The following GALNT13 variants were observed in gnomAD, a reference collection of about 807,000 sequenced individuals.
The protein encoded by GALNT13 is polypeptide N-acetylgalactosaminyltransferase 13, also known as UDP-GalNAc:polypeptide N-acetylgalactosaminyltransferase 13.
In GALNT13, 28 loss-of-function variants were observed where a neutral mutation model predicts 64.2. The ratio of observed to expected loss-of-function variants is 0.44; its 90% confidence interval spans 0.32 to 0.60. GALNT13 has a LOEUF of 0.60. Ranked by LOEUF, GALNT13 falls within the 20% of genes least tolerant of loss-of-function variation. GALNT13 has a pLI of 0.05. For missense variants in GALNT13, 577 were observed against 669.8 expected, an observed-to-expected ratio of 0.86 and a Z score of 1.53; for synonymous variants, 214 against 224.6, an observed-to-expected ratio of 0.95 and a Z score of 0.42.
chr2:153,140,700 G>A, the GALNT13 span, among the ~76,000 whole-genome samples: 6 of 151,966 alleles, frequency 3.9e-5, no homozygotes, highest in Admixed American at 3.9e-4. Flanking sequence ...AAGGAACTTT[G>A]CCCTCAAGTA....
At chr2:153,591,705 G>T in the GALNT13 span, among the ~76,000 whole-genome samples, 18 of 151,958 alleles carry the variant, frequency 1.2e-4, no homozygotes, top group African/African-American at 3.6e-4. Context: ...AGACTTAAAT[G>T]TAAGACCCCA....
the GALNT13 span, among the ~76,000 whole-genome samples, chr2:153,748,532 G>A: frequency 2.6e-5 from 4 of 152,064 alleles, no homozygotes; most frequent in Non-Finnish European, 5.9e-5. Flanking sequence ...AATCAATGAT[G>A]AGTACCTTTT....
chr2:153,994,735 ATATCCTTCGCCCACTTGTTGATGG>A, intron 3 of GALNT13, among the ~76,000 whole-genome samples: 1 of 151,992 alleles, frequency 6.6e-6, no homozygotes, highest in Admixed American at 6.6e-5. Context: ...GCGTCTGTTC[ATATCCTTCGCCCACTTGTTGATGG>A]GGTTGTTTTG....
intron 11 of GALNT13, among the ~76,000 whole-genome samples, chr2:154,415,419 T>A (rs202155919): frequency 2.0e-5 from 3 of 152,120 alleles, no homozygotes; most frequent in Non-Finnish European, 4.4e-5. Context: ...TTTTTCTCCC[T>A]GGAGCCACTC....
the GALNT13 span, among the ~76,000 whole-genome samples, chr2:153,328,537 A>C: frequency 6.6e-6 from 1 of 152,128 alleles, no homozygotes; most frequent in African/African-American, 2.4e-5. Context: ...GTCTGGCTAC[A>C]GTGGCTTTGC....
chr2:153,421,908 G>A, the GALNT13 span: 2 of 194,342 alleles, frequency 1.0e-5, no homozygotes, highest in South Asian at 1.1e-4. Flanking sequence ...CGGCAGCATT[G>A]CCAATCCAGA....
At chr2:153,681,582 C>G in the GALNT13 span, among the ~76,000 whole-genome samples, 8 of 151,878 alleles carry the variant, frequency 5.3e-5, no homozygotes, top group South Asian at 1.7e-3. Flanking sequence ...TCTCTTTATG[C>G]TATCACACCA....
At chr2:153,802,883 C>G in the GALNT13 span, among the ~76,000 whole-genome samples, 8 of 152,214 alleles carry the variant, frequency 5.3e-5, no homozygotes, top group Non-Finnish European at 8.8e-5. Flanking sequence ...CTCAGAAAAA[C>G]TGTGAAGTTT....
chr2:154,309,729 C>T (rs1693931063), intron 9 of GALNT13, among the ~76,000 whole-genome samples: 1 of 152,146 alleles, frequency 6.6e-6, no homozygotes, highest in Admixed American at 6.5e-5. Context: ...TTGAATTCAA[C>T]ATAAATTTGG....
the GALNT13 span, among the ~76,000 whole-genome samples, chr2:153,492,974 T>A: frequency 6.6e-6 from 1 of 152,200 alleles, no homozygotes; most frequent in Non-Finnish European, 1.5e-5. Flanking sequence ...GAAAATTAAA[T>A]GCTCAAACTG....
chr2:154,331,916 G>T (rs1033091353), intron 9 of GALNT13, among the ~76,000 whole-genome samples: 4 of 152,054 alleles, frequency 2.6e-5, no homozygotes, highest in Non-Finnish European at 5.9e-5. Context: ...GGAAGCAAAT[G>T]CCCAAGGCAG....
intron 12 of GALNT13, chr2:154,446,698 C>G (rs1701599255): frequency 6.5e-7 from 1 of 1,547,438 alleles, no homozygotes; most frequent in African/African-American, 1.4e-5. Context: ...AGAAACTATA[C>G]AAGAATGGAA....
At chr2:153,424,981 C>T in the GALNT13 span, among the ~76,000 whole-genome samples, 1 of 151,784 alleles carries the variant, frequency 6.6e-6, no homozygotes. Context: ...TTCTCAAAAA[C>T]ATACAATGTT....
intron 5 of GALNT13, among the ~76,000 whole-genome samples, 197 bp downstream of exon 5, chr2:154,242,393 C>T (rs1242710802): frequency 6.6e-6 from 1 of 152,078 alleles, no homozygotes; most frequent in East Asian, 1.9e-4. Context: ...AAGCAAATAA[C>T]TAATTCTTTC....
chr2:153,413,106 G>C, the GALNT13 span, among the ~76,000 whole-genome samples: 6 of 152,122 alleles, frequency 3.9e-5, no homozygotes, highest in Admixed American at 6.5e-5. Context: ...GAGTTGGAAA[G>C]ATCAGGCTGT....
chr2:153,072,871 C>T, the GALNT13 span, among the ~76,000 whole-genome samples: 1 of 152,056 alleles, frequency 6.6e-6, no homozygotes, highest in Non-Finnish European at 1.5e-5. Context: ...CTTTTTTATT[C>T]TTTGTTGTTT....
the GALNT13 span, among the ~76,000 whole-genome samples, chr2:153,663,843 A>C: frequency 6.6e-6 from 1 of 152,190 alleles, no homozygotes; most frequent in Admixed American, 6.6e-5. Flanking sequence ...AGTGTCAGTC[A>C]TGCTTAATTG....
intron 3 of GALNT13, among the ~76,000 whole-genome samples, chr2:154,126,794 T>G (rs1451251828): frequency 6.6e-6 from 1 of 152,148 alleles, no homozygotes; most frequent in Non-Finnish European, 1.5e-5. Flanking sequence ...TAACATGCAA[T>G]GCATGTACCA....
the GALNT13 span, among the ~76,000 whole-genome samples, chr2:153,499,534 TC>T: frequency 1.3e-5 from 2 of 152,178 alleles, no homozygotes; most frequent in African/African-American, 4.8e-5. Context: ...CCTGTCTGCC[TC>T]CTGCCACCAT....
Sources: gnomAD v4.1 joint callset for allele counts (sites outside exome capture counted in the v4.1 genomes callset) on GRCh38, gnomAD v4.1.1 for gene constraint, MANE v1.5 for transcripts, NCBI Gene and HGNC (gene_info 2026-07-23, HGNC 2026-07-21) for gene names.